The following NAV1 variants were observed in gnomAD, a reference collection of about 807,000 sequenced individuals.
NAV1 encodes the protein neuron navigator 1.
Under a neutral mutation model 175.2 loss-of-function variants are expected in NAV1, and 18 were observed. That is an observed-to-expected ratio of 0.10 (90% CI 0.07 to 0.15). NAV1 has a LOEUF of 0.15. Ranked by LOEUF, NAV1 falls within the 10% of genes least tolerant of loss-of-function variation. The pLI is 1.00. For missense variants in NAV1, 1,731 were observed against 2,436.6 expected, an observed-to-expected ratio of 0.71 and a Z score of 6.10; for synonymous variants, 897 against 978.7, an observed-to-expected ratio of 0.92 and a Z score of 1.56.
At chr1:201,771,238 C>CAAAAAA (rs3054144) in intron 3 of NAV1, among the ~76,000 whole-genome samples, 6 of 92,686 alleles carry the variant, frequency 6.5e-5, no homozygotes, top group Admixed American at 3.6e-4. Context: ...GACTCCGTCT[C>CAAAAAA]AAAAAAAAAA....
exon 1 of NAV1, chr1:201,649,180 C>T: frequency 1.2e-6 from 2 of 1,612,314 alleles, no homozygotes. Context: ...CTGGGAAAGC[C>T]GAGCCGGATC....
chr1:201,665,764 T>A lies in NAV1; in HGVS notation c.757+16339T>A, dbSNP rs544262248. On this transcript the variant is annotated intron_variant, in intron 1 of 29. Coordinates refer to ENST00000367296, the Ensembl canonical transcript of NAV1. ...GATGACTGAATTGCCTCTGCCTCCCTGCCCACTCCCAGCCCGACAGTAAAC... is the reference window on the plus strand; with the variant it reads ...GATGACTGAATTGCCTCTGCCTCCCAGCCCACTCCCAGCCCGACAGTAAAC... 5.3e-5 allele frequency among the ~76,000 whole-genome samples: 8 copies of A among 152,056 alleles called. No homozygotes were observed. The South Asian group carries it at 1.7e-3, about 32-fold the overall frequency.
chr1:201,803,601 A>C (rs1678077809), exon 16 of NAV1: 1 of 1,613,534 alleles, frequency 6.2e-7, no homozygotes, highest in South Asian at 1.1e-5. Context: ...AGAACTTCGG[A>C]TCAAGAGACA....
intron 3 of NAV1, among the ~76,000 whole-genome samples, chr1:201,762,982 A>G (rs1220766273): frequency 6.6e-6 from 1 of 152,178 alleles, no homozygotes; most frequent in Non-Finnish European, 1.5e-5. Flanking sequence ...GGTTTTAGAA[A>G]GAGAAAAAAA....
intron 3 of NAV1, among the ~76,000 whole-genome samples, chr1:201,729,759 A>T (rs1672766787): frequency 6.6e-6 from 1 of 151,904 alleles, no homozygotes; most frequent in Non-Finnish European, 1.5e-5. Flanking sequence ...ACAAAAAATT[A>T]GCCGGGTGTG....
chr1:201,712,894 C>T, exon 2 of NAV1: 1 of 1,613,860 alleles, frequency 6.2e-7, no homozygotes, highest in Non-Finnish European at 8.5e-7. Context: ...CATGTCCAGC[C>T]TGCGAGGGTC....
chr1:201,661,891 T>C (rs2102357644), intron 1 of NAV1, among the ~76,000 whole-genome samples: 1 of 152,364 alleles, frequency 6.6e-6, no homozygotes, highest in East Asian at 1.9e-4. Flanking sequence ...TATTATATGT[T>C]ATGCACCAGG....
At chr1:201,715,438 G>A (rs1672099028) in intron 2 of NAV1, among the ~76,000 whole-genome samples, 1 of 152,210 alleles carries the variant, frequency 6.6e-6, no homozygotes, top group Non-Finnish European at 1.5e-5. Flanking sequence ...GGGATTACAG[G>A]TGTGAGCCAC....
chr1:201,720,356 G>C (rs1672331186), intron 3 of NAV1, among the ~76,000 whole-genome samples: 1 of 152,180 alleles, frequency 6.6e-6, no homozygotes, highest in Non-Finnish European at 1.5e-5. Context: ...CTAGACCCTA[G>C]GGAGCTTCCA....
intron 28 of NAV1, among the ~76,000 whole-genome samples, chr1:201,816,386 T>G (rs1239450720): frequency 5.9e-5 from 9 of 152,068 alleles, no homozygotes; most frequent in Non-Finnish European, 1.3e-4. Flanking sequence ...AAAATATATA[T>G]GTAAGGTAAT....
At chr1:201,725,108 ACT>A (rs1359868726) in intron 3 of NAV1, among the ~76,000 whole-genome samples, 1 of 151,956 alleles carries the variant, frequency 6.6e-6, no homozygotes, top group Non-Finnish European at 1.5e-5. Flanking sequence ...CTCATGTCTG[ACT>A]CTCAGACCTC....
At chr1:201,816,267 A>T (rs1270148770) in intron 28 of NAV1, among the ~76,000 whole-genome samples, 2 of 152,118 alleles carry the variant, frequency 1.3e-5, no homozygotes, top group African/African-American at 4.8e-5. Flanking sequence ...GCTAGTTGGG[A>T]GGCTGAAGTA....
At chr1:201,688,327 G>C (rs1670761894) in intron 1 of NAV1, 1 of 152,186 alleles carries the variant, frequency 6.6e-6, no homozygotes, top group Non-Finnish European at 1.5e-5. Context: ...CTTCCCAGGA[G>C]GGACGTGAAT....
intron 3 of NAV1, among the ~76,000 whole-genome samples, chr1:201,728,580 G>C (rs190448745): frequency 6.9e-6 from 1 of 145,396 alleles, no homozygotes; most frequent in South Asian, 2.2e-4. Flanking sequence ...GGCAAGAAGA[G>C]TGAAACTCCA....
intron 1 of NAV1, among the ~76,000 whole-genome samples, chr1:201,677,706 C>A (rs1406445642): frequency 6.6e-6 from 1 of 152,184 alleles, no homozygotes; most frequent in African/African-American, 2.4e-5. Flanking sequence ...CCGCTCACTG[C>A]AACCTTCGCC....
At chr1:201,793,761 A>G in intron 13 of NAV1, 31 bp from the exon 18 acceptor site, 1 of 1,603,998 alleles carries the variant, frequency 6.2e-7, no homozygotes, top group East Asian at 2.2e-5. Context: ...GCCTTATGCA[A>G]CTTAGCAATC....
At position 201,718,243 on chromosome 1, in the gene NAV1, C is replaced by T; in HGVS notation, c.861-147C>T. 1 of 726,600 alleles carries T rather than the reference C, an allele frequency of 1.4e-6. No homozygotes were observed. The highest frequency in any genetic ancestry group is 2.1e-6 in the Non-Finnish European group (1 of 482,160). The allele number at this position is 726,600 out of a possible 1,614,324, so 45.0% of individuals were successfully genotyped here. A position where few individuals can be genotyped will look rare whatever the true frequency, so the allele number is the denominator to read the frequency against. ...ACAAAGGTAACACACAACCAGAGGCCTCATGGAGGAGGTGGAGCTTGGGCA... is the reference window on the plus strand; with the variant it reads ...ACAAAGGTAACACACAACCAGAGGCTTCATGGAGGAGGTGGAGCTTGGGCA... On this transcript the variant is annotated intron_variant, in intron 2 of 29. Transcript: ENST00000367296. The surrounding 1 kb of genome is among the most constrained non-coding windows in gnomAD (Gnocchi z 4.8).
At position 201,790,616 on chromosome 1, in the gene NAV1, C is replaced by T. The variant is rs147429827; in HGVS notation, c.3243+39C>T. The T allele has an allele frequency of 2.7e-4, 439 of 1,614,016 alleles. 1 individual carries two copies. The African/African-American group carries it at 5.2e-3, about 19-fold the overall frequency. On this transcript the variant is annotated intron_variant, in intron 12 of 29. Transcript: ENST00000367296. Reference sequence around the variant, plus strand: ...CCTTTGTCTCTGCTTGTTAACATCACTGCACCTCATTTTCCTTCCAAATCT... The same window carrying T: ...CCTTTGTCTCTGCTTGTTAACATCATTGCACCTCATTTTCCTTCCAAATCT...
At chr1:201,625,420 G>A (rs1237432008) in intron 1 of NAV1, among the ~76,000 whole-genome samples, 1 of 152,226 alleles carries the variant, frequency 6.6e-6, no homozygotes, top group East Asian at 1.9e-4. Flanking sequence ...CCGGAAGGCA[G>A]TGAACTCCCT....
Sources: allele counts gnomAD v4.1 joint callset (sites outside exome capture counted in the v4.1 genomes callset), GRCh38; gene constraint gnomAD v4.1.1; non-coding constraint Gnocchi (gnomAD v3.1); transcripts MANE v1.5; gene names NCBI Gene and HGNC (gene_info 2026-07-23, HGNC 2026-07-21).